POU6F2: variants seen among roughly 807,000 people sequenced by gnomAD.
POU6F2 encodes the protein POU class 6 homeobox 2.
POU6F2 carries 31 observed loss-of-function variants against 71.3 expected under a neutral mutation model. The ratio of observed to expected loss-of-function variants is 0.43; its 90% confidence interval spans 0.33 to 0.59. The LOEUF is 0.59. POU6F2 is among the 20% of genes least tolerant of loss of function. POU6F2 has a pLI of 0.04. For missense variants in POU6F2, 783 were observed against 856.8 expected (o/e 0.91, Z 1.07); for synonymous variants, 347 against 355.7 (o/e 0.98, Z 0.27).
chr7:39,331,926 T>A (rs1445823410), intron 4 of POU6F2, among the ~76,000 whole-genome samples: 3 of 152,260 alleles, frequency 2.0e-5, no homozygotes, highest in Non-Finnish European at 2.9e-5. Flanking sequence ...TTGTTTCTTA[T>A]GCTGTTTGTT....
intron 4 of POU6F2, among the ~76,000 whole-genome samples, chr7:39,285,322 G>A (rs1040286096): frequency 2.6e-5 from 4 of 152,118 alleles, no homozygotes; most frequent in Admixed American, 2.0e-4. Flanking sequence ...AAGGGACAAG[G>A]TATTTTTCAA....
chr7:39,163,442 G>A (rs1043810929), intron 2 of POU6F2, among the ~76,000 whole-genome samples: 13 of 152,070 alleles, frequency 8.5e-5, no homozygotes, highest in East Asian at 7.7e-4. Flanking sequence ...GAGACTTGGG[G>A]GCCTACTCCC....
intron 5 of POU6F2, among the ~76,000 whole-genome samples, chr7:39,369,982 GTATTTT>G: frequency 1.3e-5 from 2 of 152,128 alleles, no homozygotes; most frequent in South Asian, 4.2e-4. Context: ...CCAGCCTAAA[GTATTTT>G]TATACATTAG....
intron 2 of POU6F2, among the ~76,000 whole-genome samples, chr7:39,185,161 C>G (rs1390905308): frequency 6.6e-6 from 1 of 151,828 alleles, no homozygotes; most frequent in Non-Finnish European, 1.5e-5. Flanking sequence ...GCTGCAAGTA[C>G]ACTTCAGTGT....
intron 4 of POU6F2, among the ~76,000 whole-genome samples, chr7:39,292,838 G>A (rs4498449): frequency 0.46 from 69,498 of 151,960 alleles, 16,693 homozygotes; most frequent in Admixed American, 0.59. Flanking sequence ...TCCTCATCTA[G>A]CCTCAAAGAA....
At chr7:39,022,757 C>A (rs1463641926) in intron 1 of POU6F2, among the ~76,000 whole-genome samples, 4 of 152,008 alleles carry the variant, frequency 2.6e-5, no homozygotes, top group African/African-American at 9.7e-5. Flanking sequence ...TACATCCATT[C>A]ATCTCTTGTA....
At chr7:39,035,008 T>C (rs1044345496) in intron 1 of POU6F2, among the ~76,000 whole-genome samples, 1 of 151,820 alleles carries the variant, frequency 6.6e-6, no homozygotes, top group East Asian at 1.9e-4. Flanking sequence ...GTCTTTCTGA[T>C]TGGAAGGTAG....
intron 2 of POU6F2, among the ~76,000 whole-genome samples, chr7:39,176,106 A>G (rs1359478061): frequency 6.6e-6 from 1 of 152,134 alleles, no homozygotes; most frequent in Non-Finnish European, 1.5e-5. Context: ...GGCCAGCAAC[A>G]AAGTGCTTAA....
At chr7:39,340,882 T>C (rs897541111) in intron 5 of POU6F2, among the ~76,000 whole-genome samples, 4 of 152,190 alleles carry the variant, frequency 2.6e-5, no homozygotes, top group African/African-American at 9.7e-5. Flanking sequence ...AATTAATAAC[T>C]CAGCCAAGCC....
intron 4 of POU6F2, among the ~76,000 whole-genome samples, chr7:39,267,581 T>TA: frequency 6.6e-6 from 1 of 152,314 alleles, no homozygotes; most frequent in South Asian, 2.1e-4. Context: ...TGCAAAGTAA[T>TA]ACGCTTAATG....
Position 39,085,984 on chromosome 7 carries a change from C to A in POU6F2, c.230C>A (p.Ala77Glu), listed in dbSNP as rs768398366. ...AGCGAGCTGAATGAGCCCCTGCTTG[C>A]GCCTGTGGAATCAAATGACAGCGAG... ...SDSELNEPLL[A>E]PVESNDSEDT... Residue 77 changes from alanine (A) to glutamate (E), a missense_variant, in exon 2 of 10, where the codon GCG becomes GAG. By Grantham distance (107) the Ala-to-Glu change is moderately radical (BLOSUM62 -1). Transcript: ENST00000518318. The A allele has an allele frequency of 1.9e-6, 3 of 1,613,730 alleles. No individual in the cohort carries two copies. The highest frequency in any genetic ancestry group is 2.5e-6 in the Non-Finnish European group (3 of 1,179,788).
At chr7:39,105,350 T>A (rs930574842) in intron 2 of POU6F2, among the ~76,000 whole-genome samples, 1 of 152,120 alleles carries the variant, frequency 6.6e-6, no homozygotes, top group Non-Finnish European at 1.5e-5. Flanking sequence ...TTGTTATTTA[T>A]AAGAAGATCA....
chr7:39,242,852 A>C (rs1165108554), intron 4 of POU6F2, among the ~76,000 whole-genome samples: 2 of 152,138 alleles, frequency 1.3e-5, no homozygotes, highest in African/African-American at 4.8e-5. Flanking sequence ...TCTTCACACC[A>C]CCTCCATCAG....
At chr7:39,056,209 G>T (rs1450886597) in intron 1 of POU6F2, among the ~76,000 whole-genome samples, 1 of 151,950 alleles carries the variant, frequency 6.6e-6, no homozygotes, top group African/African-American at 2.4e-5. Context: ...CATGGTTATT[G>T]TGAAGGCATC....
chr7:39,013,330 G>C (rs1340515403), intron 1 of POU6F2: 1 of 152,366 alleles, frequency 6.6e-6, no homozygotes, highest in East Asian at 1.9e-4. Context: ...CTCGGAAAGG[G>C]AACTCCCTGA....
At chr7:39,141,385 T>C (rs944415227) in intron 2 of POU6F2, among the ~76,000 whole-genome samples, 1 of 152,200 alleles carries the variant, frequency 6.6e-6, no homozygotes, top group African/African-American at 2.4e-5. Flanking sequence ...GTCTACCCTG[T>C]TCTTTGGAGT....
At chr7:39,441,229 T>G (rs1788396678) in intron 7 of POU6F2, among the ~76,000 whole-genome samples, 1 of 125,694 alleles carries the variant, frequency 8.0e-6, no homozygotes, top group African/African-American at 3.8e-5. Flanking sequence ...AAAGCTTAGC[T>G]TTTTTTTTTT....
At chr7:39,406,125 A>C (rs1787421153) in intron 5 of POU6F2, 1 of 155,544 alleles carries the variant, frequency 6.4e-6, no homozygotes, top group Non-Finnish European at 1.4e-5. Context: ...TGTCCCTGAA[A>C]GAAACTGCAA....
chr7:39,128,742 C>T lies in POU6F2; in HGVS notation c.277+42711C>T, dbSNP rs576649471. ...ATATCCAGTTGCTTGGATCTATGAT[C>T]GCCATGTGTTCTCAGGCAGTCTGGC... On this transcript the variant is annotated intron_variant, in intron 2 of 9. Transcript: ENST00000518318. Among the ~76,000 whole-genome samples the T allele has an allele frequency of 1.1e-3, 169 of 152,260 alleles. 1 individual carries two copies. The highest frequency in any genetic ancestry group is 3.8e-3 in the African/African-American group (158 of 41,536).
Sources: gnomAD v4.1 joint callset for allele counts (sites outside exome capture counted in the v4.1 genomes callset) on GRCh38, gnomAD v4.1.1 for gene constraint, MANE v1.5 for transcripts, NCBI Gene and HGNC (gene_info 2026-07-23, HGNC 2026-07-21) for gene names.